Variants in CFAP20DC observed in about 807,000 individuals in gnomAD.
CFAP20DC encodes protein CFAP20DC.
In CFAP20DC, 84 loss-of-function variants were observed where a neutral mutation model predicts 101.7. The observed-to-expected ratio is 0.83, with a 90% CI of 0.69 to 0.99. CFAP20DC has a LOEUF of 0.99. Among genes scored for constraint, CFAP20DC ranks in the 50% least tolerant of loss-of-function variants. The probability of loss-of-function intolerance (pLI) is 0.00; values close to 1 mark genes in which losing one functional copy is unlikely to be tolerated. For synonymous variants in CFAP20DC, 359 were observed against 351.2 expected (o/e 1.02, Z -0.25); for missense variants, 1,007 against 970.3 (o/e 1.04, Z -0.50).
chr3:58,745,175 A>C (rs2068108563), intron 16 of CFAP20DC, among the ~76,000 whole-genome samples: 1 of 152,192 alleles, frequency 6.6e-6, no homozygotes, highest in Admixed American at 6.5e-5. Flanking sequence ...TTCCATATTG[A>C]AAATGACCCC....
intron 13 of CFAP20DC, among the ~76,000 whole-genome samples, chr3:58,843,200 T>C (rs371090685): frequency 1.1e-4 from 17 of 152,076 alleles, no homozygotes; most frequent in African/African-American, 1.9e-4. Context: ...AGGCTTCAGA[T>C]GATCAAATGA....
chr3:58,761,435 T>C (rs992660812), intron 15 of CFAP20DC, among the ~76,000 whole-genome samples: 9 of 152,234 alleles, frequency 5.9e-5, no homozygotes, highest in Non-Finnish European at 8.8e-5. Context: ...TTTTCTTCTT[T>C]ATTAGTCTTG....
chr3:58,871,478 T>C (rs1000734020), intron 7 of CFAP20DC, among the ~76,000 whole-genome samples: 4 of 152,082 alleles, frequency 2.6e-5, no homozygotes, highest in Admixed American at 2.6e-4. Flanking sequence ...CTAAATTACA[T>C]TTCTGAGCAT....
intron 15 of CFAP20DC, among the ~76,000 whole-genome samples, chr3:58,754,736 T>A (rs774467721): frequency 1.3e-5 from 2 of 152,198 alleles, no homozygotes; most frequent in Non-Finnish European, 2.9e-5. Context: ...TGGGAGACAG[T>A]TCTAGACAAC....
chr3:58,900,843 C>A (rs2083086284), intron 6 of CFAP20DC, among the ~76,000 whole-genome samples: 1 of 152,142 alleles, frequency 6.6e-6, no homozygotes, highest in Non-Finnish European at 1.5e-5. Flanking sequence ...ATAAAATGAT[C>A]CATTCTGTAG....
rs2107265902 is a variant in CFAP20DC, at chr3:58,754,153, A to C, written c.2238-290T>G. 3.9e-5 allele frequency among the ~76,000 whole-genome samples: 6 copies of C among 152,284 alleles called. No individual in the cohort carries two copies. The South Asian group carries it at 1.2e-3, about 32-fold the overall frequency. On this transcript the variant is annotated intron_variant, in intron 15 of 16. Coordinates refer to ENST00000482387, the MANE Select transcript of CFAP20DC (RefSeq NM_001394063.1). ...CAGCAGAGTTCTTTTCACATAAGAA[A>C]TTATTTCAATAACTCAGAGGAAACG...
chr3:58,798,937 C>G (rs2073458734), intron 15 of CFAP20DC, among the ~76,000 whole-genome samples: 1 of 152,114 alleles, frequency 6.6e-6, no homozygotes. Flanking sequence ...TATTGTACAC[C>G]TAACAGACTA....
At position 58,868,927 on chromosome 3, in the gene CFAP20DC, A is replaced by G. The variant is rs897979920; in HGVS notation, c.1015+401T>C. ...AAATCCTTTTTCACTTACAGGGTTT[A>G]TTTTATTTTTGTTGTTGGATCAGTG... On this transcript the variant is annotated intron_variant, in intron 9 of 16. Transcript: ENST00000482387. This position sits in a 1 kb window ranked among gnomAD's most constrained non-coding sequence, Gnocchi z 4.6. Among the ~76,000 whole-genome samples, 7 of 152,156 alleles carry G rather than the reference A, an allele frequency of 4.6e-5. No homozygotes were observed. The highest frequency in any genetic ancestry group is 1.7e-4 in the African/African-American group (7 of 41,448).
intron 6 of CFAP20DC, among the ~76,000 whole-genome samples, chr3:58,906,770 T>C (rs769645805): frequency 6.6e-6 from 1 of 151,776 alleles, no homozygotes; most frequent in Non-Finnish European, 1.5e-5. Context: ...CTACTCAAAA[T>C]AGAAAAAAAT....
At chr3:58,765,281 TAC>T (rs148346359) in intron 15 of CFAP20DC, among the ~76,000 whole-genome samples, 8 of 151,124 alleles carry the variant, frequency 5.3e-5, no homozygotes, top group South Asian at 2.1e-4. Flanking sequence ...TATATACATC[TAC>T]ACACACACAC....
intron 4 of CFAP20DC, among the ~76,000 whole-genome samples, chr3:58,950,959 C>G (rs1212590766): frequency 6.6e-6 from 1 of 152,182 alleles, no homozygotes; most frequent in African/African-American, 2.4e-5. Flanking sequence ...AAACTACCAT[C>G]AGAGTGAACA....
intron 3 of CFAP20DC, among the ~76,000 whole-genome samples, chr3:58,720,462 G>A (rs2067456175): frequency 6.6e-6 from 1 of 152,118 alleles, no homozygotes; most frequent in Admixed American, 6.6e-5. Context: ...TACTCCCTGG[G>A]CTCTAAGGGT....
At chr3:58,719,848 G>A (rs1462930379) in intron 3 of CFAP20DC, among the ~76,000 whole-genome samples, 1 of 152,208 alleles carries the variant, frequency 6.6e-6, no homozygotes, top group Non-Finnish European at 1.5e-5. Context: ...CATTCCAGTA[G>A]ACAGACCACT....
chr3:58,862,166 T>A (rs2079303827), intron 12 of CFAP20DC: 4 of 969,542 alleles, frequency 4.1e-6, no homozygotes, highest in Non-Finnish European at 4.9e-6. Context: ...CCACCTACCA[T>A]GAAATGCCCA....
intron 4 of CFAP20DC, among the ~76,000 whole-genome samples, chr3:58,966,498 G>A (rs1576516789): frequency 8.8e-6 from 1 of 113,516 alleles, no homozygotes; most frequent in South Asian, 2.5e-4. Context: ...ATACACATAT[G>A]TGTGTGTGTG....
chr3:58,842,862 C>G (rs1470715271), intron 13 of CFAP20DC, among the ~76,000 whole-genome samples: 1 of 152,210 alleles, frequency 6.6e-6, no homozygotes, highest in African/African-American at 2.4e-5. Flanking sequence ...ACCCCTGACC[C>G]CCGAGCAGCC....
Position 58,870,247 on chromosome 3 carries a change from T to C in CFAP20DC, c.778A>G (p.Ile260Val), listed in dbSNP as rs1042706145. The stretch of plus-strand genomic sequence containing the variant: ...CCAAGAACTTTGGATCCAAATGCGA[T>C]ATGACAAACATCTTGATTTTTACTG... ...RNSKNQDVCH[I>V]AFGSKVLGPP... Residue 260 changes from isoleucine (I) to valine (V), a missense_variant, in exon 8 of 17, where the codon ATC (isoleucine) becomes GTC (valine). By Grantham distance (29) the Ile-to-Val change is conservative (BLOSUM62 3). Coordinates refer to ENST00000482387, the MANE Select transcript of CFAP20DC (RefSeq NM_001394063.1). The C allele has an allele frequency of 6.2e-7, 1 of 1,613,898 alleles. No individual in the cohort carries two copies. Among genetic ancestry groups the C allele is most frequent in the African/African-American group, 1.3e-5 (1 of 74,928 alleles).
At position 58,914,080 on chromosome 3, in the gene CFAP20DC, C is replaced by G. The variant is rs2084427116; in HGVS notation, c.394-216G>C. On this transcript the variant is annotated intron_variant, in intron 5 of 16. Coordinates refer to ENST00000482387, the MANE Select transcript of CFAP20DC (RefSeq NM_001394063.1). This position sits in a 1 kb window ranked among gnomAD's most constrained non-coding sequence, Gnocchi z 4.9. ...CCATAATTCTAAATTACACATTGGTCATCTGACTACAGAATTCCCATCATG... is the reference window on the plus strand; with the variant it reads ...CCATAATTCTAAATTACACATTGGTGATCTGACTACAGAATTCCCATCATG... Among the ~76,000 whole-genome samples the G allele has an allele frequency of 6.6e-6, 1 of 152,146 alleles. No individual in the cohort carries two copies. The highest frequency in any genetic ancestry group is 2.4e-5 in the African/African-American group (1 of 41,436).
chr3:58,942,270 T>C (rs1201118447), intron 4 of CFAP20DC, among the ~76,000 whole-genome samples: 2 of 152,348 alleles, frequency 1.3e-5, no homozygotes, highest in East Asian at 1.9e-4. Flanking sequence ...AAAAATAAAA[T>C]GATATGTGCC....
Sources: gnomAD v4.1 joint callset for allele counts (sites outside exome capture counted in the v4.1 genomes callset) on GRCh38, gnomAD v4.1.1 for gene constraint, Gnocchi (gnomAD v3.1) non-coding constraint, MANE v1.5 for transcripts, NCBI Gene and HGNC (gene_info 2026-07-23, HGNC 2026-07-21) for gene names.